The following CAMTA1 variants were observed in gnomAD, a reference collection of about 807,000 sequenced individuals.
The protein encoded by CAMTA1 is calmodulin binding transcription activator 1.
Under a neutral mutation model 170.9 loss-of-function variants are expected in CAMTA1, and 27 were observed. The observed-to-expected ratio is 0.16, with a 90% CI of 0.12 to 0.22. The LOEUF (loss-of-function observed/expected upper bound fraction) is 0.22. Among genes scored for constraint, CAMTA1 ranks in the 10% least tolerant of loss-of-function variants. The pLI, the probability that CAMTA1 is intolerant of heterozygous loss-of-function variation, is 1.00. For missense variants in CAMTA1, 1,619 were observed against 2,217.2 expected, an observed-to-expected ratio of 0.73 and a Z score of 5.42; for synonymous variants, 833 against 891.5, an observed-to-expected ratio of 0.93 and a Z score of 1.17.
rs146180199 is a variant in CAMTA1 at position 7,545,381 on chromosome 1, A to G, written c.510+77480A>G. Among the ~76,000 whole-genome samples, 671 of 152,356 alleles carry G rather than the reference A, an allele frequency of 4.4e-3. 9 individuals are homozygous for G. The highest frequency in any genetic ancestry group is 0.015 in the African/African-American group (633 of 41,580). Reference sequence around the variant, plus strand: ...AGGAAACAAACATTGATACATGTCTATCAACTAATCCTGTCTTCAATGACA... The same window carrying G: ...AGGAAACAAACATTGATACATGTCTGTCAACTAATCCTGTCTTCAATGACA... On this transcript the variant is annotated intron_variant, in intron 6 of 22. Transcript: ENST00000303635.
At chr1:7,383,814 G>C (rs2087627413) in intron 5 of CAMTA1, among the ~76,000 whole-genome samples, 1 of 152,120 alleles carries the variant, frequency 6.6e-6, no homozygotes, top group South Asian at 2.1e-4. Context: ...TGATAATTTT[G>C]ATAAGGAGGA....
At chr1:7,031,811 G>T (rs1352649797) in intron 3 of CAMTA1, among the ~76,000 whole-genome samples, 1 of 152,096 alleles carries the variant, frequency 6.6e-6, no homozygotes, top group Non-Finnish European at 1.5e-5. Flanking sequence ...GAAGTGCTGG[G>T]ATTATAGGCA....
chr1:7,359,528 G>A (rs771760781), intron 5 of CAMTA1, among the ~76,000 whole-genome samples: 5 of 152,128 alleles, frequency 3.3e-5, no homozygotes, highest in Admixed American at 1.3e-4. Context: ...CACCCCATTC[G>A]ACGGCACCTT....
At chr1:6,981,937 C>T (rs1434443658) in intron 3 of CAMTA1, among the ~76,000 whole-genome samples, 1 of 151,788 alleles carries the variant, frequency 6.6e-6, no homozygotes, top group Non-Finnish European at 1.5e-5. Context: ...GCTATGTTGC[C>T]CAGGCCTCTC....
At chr1:7,270,291 A>ATTTTTTTTT (rs34768255) in intron 5 of CAMTA1, among the ~76,000 whole-genome samples, 7 of 110,570 alleles carry the variant, frequency 6.3e-5, no homozygotes, top group African/African-American at 1.3e-4. Context: ...ATATATATAT[A>ATTTTTTTTT]TTTTTTTTTT....
intron 4 of CAMTA1, among the ~76,000 whole-genome samples, chr1:7,232,372 T>A (rs1663001820): frequency 6.6e-6 from 1 of 152,244 alleles, no homozygotes; most frequent in African/African-American, 2.4e-5. Context: ...AGTTGTCCTG[T>A]TTGCTTTGGA....
chr1:7,601,048 G>A (rs904913399), intron 6 of CAMTA1, among the ~76,000 whole-genome samples: 26 of 150,610 alleles, frequency 1.7e-4, no homozygotes, highest in East Asian at 8.0e-4. Context: ...CTCACTTCCC[G>A]GTAGGGGCGG....
At chr1:7,314,677 A>G (rs56210887) in intron 5 of CAMTA1, among the ~76,000 whole-genome samples, 1 of 152,322 alleles carries the variant, frequency 6.6e-6, no homozygotes, top group African/African-American at 2.4e-5. Flanking sequence ...CATGTGACAA[A>G]TGGAATCGTG....
chr1:6,855,027 A>G (rs1661750712), intron 3 of CAMTA1, among the ~76,000 whole-genome samples: 1 of 152,204 alleles, frequency 6.6e-6, no homozygotes, highest in African/African-American at 2.4e-5. Flanking sequence ...TGGCAAGAAA[A>G]ATAGTACAGG....
At chr1:6,906,732 G>C (rs1372472204) in intron 3 of CAMTA1, among the ~76,000 whole-genome samples, 1 of 152,158 alleles carries the variant, frequency 6.6e-6, no homozygotes, top group African/African-American at 2.4e-5. Context: ...TTTCCTTTAA[G>C]TTTCCCTCCC....
At chr1:7,119,832 G>A (rs186157814) in intron 4 of CAMTA1, among the ~76,000 whole-genome samples, 100 of 152,262 alleles carry the variant, frequency 6.6e-4, no homozygotes, top group African/African-American at 2.3e-3. Flanking sequence ...AATGATGTGC[G>A]TGGCCTTTTC....
intron 3 of CAMTA1, among the ~76,000 whole-genome samples, chr1:6,955,398 G>T (rs745627806): frequency 1.6e-4 from 24 of 152,224 alleles, no homozygotes; most frequent in Admixed American, 5.9e-4. Flanking sequence ...GTCAAGCTGA[G>T]GGGCCCCTGC....
At chr1:6,837,328 T>C (rs966111064) in intron 3 of CAMTA1, among the ~76,000 whole-genome samples, 3 of 152,062 alleles carry the variant, frequency 2.0e-5, no homozygotes, top group Non-Finnish European at 4.4e-5. Flanking sequence ...CCTACCCTCT[T>C]AGTACTTTGT....
chr1:6,831,347 G>A (rs1331341076), intron 3 of CAMTA1, among the ~76,000 whole-genome samples: 1 of 152,128 alleles, frequency 6.6e-6, no homozygotes, highest in Non-Finnish European at 1.5e-5. Flanking sequence ...ACTGCTATAA[G>A]GTTTCTGCAT....
At chr1:7,413,454 C>T (rs2090942137) in intron 5 of CAMTA1, among the ~76,000 whole-genome samples, 1 of 152,252 alleles carries the variant, frequency 6.6e-6, no homozygotes, top group African/African-American at 2.4e-5. Flanking sequence ...TGTAGTTCTC[C>T]TTGAAGAGGT....
intron 4 of CAMTA1, among the ~76,000 whole-genome samples, chr1:7,202,374 T>G (rs1656870336): frequency 6.6e-6 from 1 of 152,192 alleles, no homozygotes; most frequent in Non-Finnish European, 1.5e-5. Context: ...TCTGTGTCTC[T>G]TACAGTTTCA....
At chr1:6,967,376 A>G (rs1481110764) in intron 3 of CAMTA1, among the ~76,000 whole-genome samples, 1 of 152,028 alleles carries the variant, frequency 6.6e-6, no homozygotes, top group Non-Finnish European at 1.5e-5. Context: ...GGGGGGTGGA[A>G]CTGCGTTTCC....
rs184942426 is a variant in CAMTA1 at position 7,062,148 on chromosome 1, C to T, written c.235-29156C>T. Among the ~76,000 whole-genome samples the T allele has an allele frequency of 9.0e-3, 1,372 of 152,180 alleles. 7 individuals carry two copies. The highest frequency in any genetic ancestry group is 0.02 in the South Asian group (94 of 4,810). On this transcript the variant is annotated intron_variant, in intron 3 of 22. Transcript: ENST00000303635. ...GACCAGGCTGGTCTCGAACTCCTGACCTCAGGCGATCCACCCGCCATGGCC... is the reference window on the plus strand; with the variant it reads ...GACCAGGCTGGTCTCGAACTCCTGATCTCAGGCGATCCACCCGCCATGGCC...
intron 4 of CAMTA1, among the ~76,000 whole-genome samples, chr1:7,175,497 C>T (rs1385813337): frequency 2.6e-5 from 4 of 152,226 alleles, no homozygotes; most frequent in African/African-American, 7.2e-5. Context: ...AAAGGCACCC[C>T]GCCAAATGCT....
Sources: allele counts gnomAD v4.1 joint callset (sites outside exome capture counted in the v4.1 genomes callset), GRCh38; gene constraint gnomAD v4.1.1; transcripts MANE v1.5; gene names NCBI Gene and HGNC (gene_info 2026-07-23, HGNC 2026-07-21).